The following PDGFC variants were observed in gnomAD, a reference collection of about 807,000 sequenced individuals.
The protein encoded by PDGFC is platelet derived growth factor C.
PDGFC carries 12 observed loss-of-function variants against 35.5 expected under a neutral mutation model. The observed-to-expected ratio is 0.34, with a 90% confidence interval of 0.22 to 0.55. The LOEUF is 0.55. PDGFC is among the 20% of genes least tolerant of loss of function. PDGFC has a pLI of 0.91. For synonymous variants in PDGFC, 159 were observed against 148.8 expected (o/e 1.07, Z -0.50); for missense variants, 322 against 412.4 (o/e 0.78, Z 1.90).
At chr4:156,847,805 A>ATCCC (rs538382084) in intron 2 of PDGFC, among the ~76,000 whole-genome samples, 53 of 151,950 alleles carry the variant, frequency 3.5e-4, no homozygotes, top group African/African-American at 1.2e-3. Context: ...AAATAAGGTG[A>ATCCC]GATTTGCTTA....
At chr4:156,939,269 A>C (rs1359988441) in intron 1 of PDGFC, among the ~76,000 whole-genome samples, 1 of 152,134 alleles carries the variant, frequency 6.6e-6, no homozygotes, top group African/African-American at 2.4e-5. Flanking sequence ...TGATTATCTT[A>C]CATTGTATTA....
At chr4:156,781,975 T>C (rs943401427) in intron 3 of PDGFC, among the ~76,000 whole-genome samples, 1 of 152,190 alleles carries the variant, frequency 6.6e-6, no homozygotes, top group African/African-American at 2.4e-5. Context: ...AGCTCATGAT[T>C]GATGTTGGTC....
intron 2 of PDGFC, among the ~76,000 whole-genome samples, chr4:156,816,098 AC>A (rs1732078915): frequency 1.3e-5 from 2 of 152,192 alleles, no homozygotes; most frequent in Non-Finnish European, 2.9e-5. Flanking sequence ...TCATTAGTAA[AC>A]ATAATTGTCA....
In PDGFC at chr4:156,763,179, C is replaced by T. The variant is rs1730425133; in HGVS notation, c.949G>A (p.Val317Ile). ...GTGAGTGATTTGTGCAATCCCCTGA[C>T]ACCGGTCTTTGGTCTCAACTGAAGG... ...EVLQLRPKTG[V>I]RGLHKSLTDV... The change falls in exon 6 of 6, where the codon GTC (valine) becomes ATC (isoleucine). Residue 317 changes from valine to isoleucine, a missense_variant. Physicochemically the swap from Val to Ile is conservative, Grantham distance 29 (BLOSUM62 3). This residue lies in a region of PDGFC where 202 missense variants were observed against 295.9 expected (regional missense o/e 0.68). Transcript: ENST00000502773. 6.2e-7 allele frequency: 1 copy of T among 1,610,088 alleles called. No individual in the cohort carries two copies. The highest frequency in any genetic ancestry group is 1.7e-5 in the Admixed American group (1 of 59,996).
Position 156,878,843 on chromosome 4 carries a change from G to A in PDGFC, c.119-28427C>T, listed in dbSNP as rs1249873275. 2.0e-5 allele frequency among the ~76,000 whole-genome samples: 3 copies of A among 152,072 alleles called. No individual in the cohort carries two copies. In the East Asian group the frequency reaches 5.8e-4, roughly 29 times the overall value. On this transcript the variant is annotated intron_variant, in intron 1 of 5. Coordinates refer to ENST00000502773, the MANE Select transcript of PDGFC (RefSeq NM_016205.3). Reference sequence around the variant, plus strand: ...AATAGCATTCTGTAATACACTAACAGGGCTAGAGTTTTAGAGAACAATGAC... The same window carrying A: ...AATAGCATTCTGTAATACACTAACAAGGCTAGAGTTTTAGAGAACAATGAC...
Position 156,970,811 on chromosome 4 carries a change from C to A in PDGFC, c.93G>T (p.Gln31His), listed in dbSNP as rs149931440. 4.0e-3 allele frequency: 6,384 copies of A among 1,611,858 alleles called. 16 individuals carry two copies. Among genetic ancestry groups the A allele is most frequent in the East Asian group, 6.5e-3 (292 of 44,854 alleles). The stretch of plus-strand genomic sequence containing the variant: ...CGTTCTGTTCCTTGTTGCTGGAAAA[C>A]TGGAATTTACTACTCAGGTTGGATT... Reference protein sequence around the residue: ...QAESNLSSKFQFSSNKEQNGV... With the variant: ...QAESNLSSKFHFSSNKEQNGV... Residue 31 changes from glutamine to histidine, a missense_variant, in exon 1 of 6, where the codon CAG becomes CAT. Transcript: ENST00000502773.
At chr4:156,861,105 G>A (rs1455897022) in intron 1 of PDGFC, among the ~76,000 whole-genome samples, 1 of 150,914 alleles carries the variant, frequency 6.6e-6, no homozygotes, top group African/African-American at 2.5e-5. Flanking sequence ...TAACATGTCA[G>A]AGAATATACA....
chr4:156,784,989 G>T (rs1033373670), intron 3 of PDGFC, among the ~76,000 whole-genome samples: 1 of 152,138 alleles, frequency 6.6e-6, no homozygotes, highest in Non-Finnish European at 1.5e-5. Context: ...TAATTGGAAG[G>T]CTGTTAAATA....
At chr4:156,850,679 C>A (rs1355617294) in intron 1 of PDGFC, among the ~76,000 whole-genome samples, 1 of 152,058 alleles carries the variant, frequency 6.6e-6, no homozygotes, top group Non-Finnish European at 1.5e-5. Flanking sequence ...ACGTCAACTA[C>A]AAACTCTTTT....
At chr4:156,909,885 A>G (rs1005184758) in intron 1 of PDGFC, among the ~76,000 whole-genome samples, 2 of 152,198 alleles carry the variant, frequency 1.3e-5, no homozygotes, top group Non-Finnish European at 2.9e-5. Flanking sequence ...TAAATCCAGT[A>G]TCTGGTGCCC....
At chr4:156,917,109 G>A (rs555339117) in intron 1 of PDGFC, among the ~76,000 whole-genome samples, 204 of 152,252 alleles carry the variant, frequency 1.3e-3, no homozygotes, top group Non-Finnish European at 2.5e-3. Context: ...ACTCCAGGAA[G>A]TTTTCATGAC....
chr4:156,970,565 T>A (rs1387702002), intron 1 of PDGFC, among the ~76,000 whole-genome samples: 1 of 152,232 alleles, frequency 6.6e-6, no homozygotes, highest in Non-Finnish European at 1.5e-5. Context: ...CACTCAGCAG[T>A]GGCACTCACG....
intron 3 of PDGFC, among the ~76,000 whole-genome samples, chr4:156,778,001 G>C (rs1730871893): frequency 6.6e-6 from 1 of 152,156 alleles, no homozygotes; most frequent in Non-Finnish European, 1.5e-5. Context: ...CTACTTGGGA[G>C]GCTGAGGGAC....
At chr4:156,967,151 T>C (rs1732486316) in intron 1 of PDGFC, among the ~76,000 whole-genome samples, 1 of 152,100 alleles carries the variant, frequency 6.6e-6, no homozygotes, top group Non-Finnish European at 1.5e-5. Flanking sequence ...GCCTATTTAC[T>C]CTTGGACACT....
In PDGFC at chr4:156,946,384, T is replaced by C. The variant is rs140566877; in HGVS notation, c.118+24402A>G. Among the ~76,000 whole-genome samples the C allele has an allele frequency of 4.4e-3, 672 of 152,202 alleles. 5 individuals carry two copies. The highest frequency in any genetic ancestry group is 6.9e-3 in the Admixed American group (106 of 15,278). On this transcript the variant is annotated intron_variant, in intron 1 of 5. Transcript: ENST00000502773. Reference sequence around the variant, plus strand: ...AACCAACCCACTTTAACGTATACTATATATTATTTCATCCAAGATGATTTC... The same window carrying C: ...AACCAACCCACTTTAACGTATACTACATATTATTTCATCCAAGATGATTTC...
chr4:156,896,589 A>T (rs1380046013), intron 1 of PDGFC, among the ~76,000 whole-genome samples: 2 of 152,218 alleles, frequency 1.3e-5, no homozygotes, highest in Non-Finnish European at 2.9e-5. Context: ...TAAAGAGTTG[A>T]CACAATATTT....
At chr4:156,838,734 G>A (rs928512552) in intron 2 of PDGFC, among the ~76,000 whole-genome samples, 2 of 152,156 alleles carry the variant, frequency 1.3e-5, no homozygotes, top group African/African-American at 4.8e-5. Context: ...TTGCTGATAT[G>A]ATTTGGCTGT....
At chr4:156,799,754 GCATT>G (rs1731548416) in intron 3 of PDGFC, among the ~76,000 whole-genome samples, 1 of 152,050 alleles carries the variant, frequency 6.6e-6, no homozygotes, top group Non-Finnish European at 1.5e-5. Flanking sequence ...AATATTGACT[GCATT>G]CATATTTTTA....
chr4:156,860,554 C>A (rs769522730), intron 1 of PDGFC, among the ~76,000 whole-genome samples: 1 of 151,820 alleles, frequency 6.6e-6, no homozygotes, highest in Non-Finnish European at 1.5e-5. Context: ...ACACCTGACA[C>A]GGGGCGCGGA....
Sources: allele counts gnomAD v4.1 joint callset (sites outside exome capture counted in the v4.1 genomes callset), GRCh38; gene constraint gnomAD v4.1.1; regional missense constraint gnomAD v4.1.1; transcripts MANE v1.5; gene names NCBI Gene and HGNC (gene_info 2026-07-23, HGNC 2026-07-21).